Variants in DTD1 observed in about 807,000 individuals in gnomAD.
DTD1 encodes D-tyrosyl-tRNA deacylase 1 homolog.
In DTD1, 13 loss-of-function variants were observed where a neutral mutation model predicts 25.6. The observed-to-expected ratio is 0.51, with a 90% CI of 0.33 to 0.81. The LOEUF (loss-of-function observed/expected upper bound fraction) is 0.81, where lower values mean the gene tolerates loss of function less well. Among genes scored for constraint, DTD1 ranks in the 30% least tolerant of loss-of-function variants. The pLI is 0.02. For synonymous variants in DTD1, 110 were observed against 103.6 expected (o/e 1.06, Z -0.37); for missense variants, 193 against 266.4 (o/e 0.72, Z 1.92).
At chr20:18,705,731 C>T (rs1226335187) in intron 4 of DTD1, among the ~76,000 whole-genome samples, 1 of 152,012 alleles carries the variant, frequency 6.6e-6, no homozygotes, top group African/African-American at 2.4e-5. Context: ...GTGAGAATGA[C>T]TGAATGGAAT....
At chr20:18,735,929 GCA>G (rs2061253354) in intron 4 of DTD1, among the ~76,000 whole-genome samples, 2 of 152,072 alleles carry the variant, frequency 1.3e-5, no homozygotes, top group Admixed American at 1.3e-4. Flanking sequence ...TGAAAAGTAT[GCA>G]CAGACTCTTT....
At chr20:18,672,171 CT>C (rs2122391121) in intron 4 of DTD1, among the ~76,000 whole-genome samples, 1 of 152,276 alleles carries the variant, frequency 6.6e-6, no homozygotes, top group African/African-American at 2.4e-5. Flanking sequence ...GAGGTCAAGG[CT>C]GCAGTGAGCA....
At chr20:18,631,518 T>C (rs1459521167) in intron 4 of DTD1, 2 of 985,400 alleles carry the variant, frequency 2.0e-6, no homozygotes, top group Non-Finnish European at 2.4e-6. Flanking sequence ...ATGTCTCCAA[T>C]TGAGAAATGC....
intron 4 of DTD1, among the ~76,000 whole-genome samples, chr20:18,709,460 T>C (rs6035106): frequency 0.46 from 69,298 of 151,940 alleles, 16,714 homozygotes; most frequent in East Asian, 0.58. Flanking sequence ...TTCTGGAAGG[T>C]GTTGAAAAAT....
At chr20:18,697,413 A>G (rs1386276589) in intron 4 of DTD1, among the ~76,000 whole-genome samples, 1 of 152,142 alleles carries the variant, frequency 6.6e-6, no homozygotes, top group Non-Finnish European at 1.5e-5. Context: ...TACCATTTTC[A>G]GTGAGGGTGA....
intron 4 of DTD1, among the ~76,000 whole-genome samples, chr20:18,638,213 A>G (rs1237989397): frequency 6.8e-6 from 1 of 146,982 alleles, no homozygotes; most frequent in African/African-American, 2.6e-5. Context: ...CCATCCATCC[A>G]TCTATCCATC....
chr20:18,652,767 T>G (rs981803160), intron 4 of DTD1, among the ~76,000 whole-genome samples: 1 of 152,134 alleles, frequency 6.6e-6, no homozygotes, highest in African/African-American at 2.4e-5. Flanking sequence ...TTTCCATCAG[T>G]ATGAAGCAGT....
intron 4 of DTD1, among the ~76,000 whole-genome samples, chr20:18,639,769 C>A (rs1317717282): frequency 1.3e-5 from 2 of 152,086 alleles, no homozygotes; most frequent in Non-Finnish European, 1.5e-5. Flanking sequence ...GAAAGTGAAG[C>A]CCGGAAGCCT....
intron 3 of DTD1, among the ~76,000 whole-genome samples, chr20:18,620,846 C>A (rs536575102): frequency 6.9e-4 from 105 of 152,318 alleles, no homozygotes; most frequent in African/African-American, 2.5e-3. Flanking sequence ...TCCTGCCTCT[C>A]AGCCTCCCAA....
At chr20:18,657,399 T>C (rs2060895063) in intron 4 of DTD1, among the ~76,000 whole-genome samples, 1 of 152,208 alleles carries the variant, frequency 6.6e-6, no homozygotes, top group Non-Finnish European at 1.5e-5. Flanking sequence ...CCTCTAGTAA[T>C]TTTGGAGACT....
At chr20:18,713,371 G>T (rs763560583) in intron 4 of DTD1, among the ~76,000 whole-genome samples, 4 of 152,198 alleles carry the variant, frequency 2.6e-5, no homozygotes, top group African/African-American at 4.8e-5. Context: ...TCTTCCCAGG[G>T]TTTCTATGCA....
intron 4 of DTD1, among the ~76,000 whole-genome samples, chr20:18,685,390 T>C (rs1243461357): frequency 6.6e-6 from 1 of 152,192 alleles, no homozygotes; most frequent in Non-Finnish European, 1.5e-5. Flanking sequence ...TAGCTGCCAG[T>C]TGGCTGCACA....
intron 3 of DTD1, among the ~76,000 whole-genome samples, chr20:18,623,181 C>T (rs1340435799): frequency 6.6e-6 from 1 of 151,900 alleles, no homozygotes; most frequent in African/African-American, 2.4e-5. Context: ...CCTCGTGATC[C>T]GCCCGCCTCA....
chr20:18,630,908 A>C (rs2060784886), intron 4 of DTD1: 1 of 211,488 alleles, frequency 4.7e-6, no homozygotes, highest in Admixed American at 6.5e-5. Flanking sequence ...GAAATAGCAC[A>C]GAAGTGATCT....
At chr20:18,744,301 C>T (rs767423539) in intron 5 of DTD1, 30 bp downstream of exon 5, 20 of 1,602,352 alleles carry the variant, frequency 1.2e-5, no homozygotes, top group Non-Finnish European at 1.7e-5. Flanking sequence ...GCTTCATCTT[C>T]CCACATTTTG....
At chr20:18,607,359 C>T (rs2060664245) in intron 3 of DTD1, among the ~76,000 whole-genome samples, 1 of 152,220 alleles carries the variant, frequency 6.6e-6, no homozygotes, top group South Asian at 2.1e-4. Context: ...CGGGGTTTCA[C>T]CATGTTCGCC....
intron 4 of DTD1, among the ~76,000 whole-genome samples, chr20:18,695,523 T>C (rs1300945023): frequency 4.5e-5 from 3 of 67,264 alleles, no homozygotes; most frequent in African/African-American, 6.4e-5. Context: ...TCCCTTCCTT[T>C]CCCTTCCCTT....
At chr20:18,728,128 C>T (rs1002792197) in intron 4 of DTD1, among the ~76,000 whole-genome samples, 1 of 152,182 alleles carries the variant, frequency 6.6e-6, no homozygotes, top group Non-Finnish European at 1.5e-5. Context: ...GACTGTCAGC[C>T]CCTCCTGGCC....
chr20:18,702,819 T>C (rs1278956145), intron 4 of DTD1, among the ~76,000 whole-genome samples: 2 of 151,706 alleles, frequency 1.3e-5, no homozygotes, highest in Non-Finnish European at 2.9e-5. Flanking sequence ...TCTTAGCAGA[T>C]GTGCCTTTGC....
Sources: gnomAD v4.1 joint callset for allele counts (sites outside exome capture counted in the v4.1 genomes callset) on GRCh38, gnomAD v4.1.1 for gene constraint, MANE v1.5 for transcripts, NCBI Gene and HGNC (gene_info 2026-07-23, HGNC 2026-07-21) for gene names.